LMX1B: variants seen among roughly 807,000 people sequenced by gnomAD.
The protein encoded by LMX1B is LIM homeobox transcription factor 1-beta.
In LMX1B, 12 loss-of-function variants were observed where a neutral mutation model predicts 51.4. The ratio of observed to expected loss-of-function variants is 0.23; its 90% CI spans 0.15 to 0.38. LMX1B has a LOEUF of 0.38. LMX1B is among the 10% of genes least tolerant of loss of function. The probability of loss-of-function intolerance (pLI) is 1.00; values close to 1 mark genes in which losing one functional copy is unlikely to be tolerated. For synonymous variants in LMX1B, 237 were observed against 235.4 expected, an observed-to-expected ratio of 1.01 and a Z score of -0.06; for missense variants, 445 against 571.1, an observed-to-expected ratio of 0.78 and a Z score of 2.25.
rs141112859 is a variant in LMX1B, at chr9:126,659,459, G to A, written c.327-31377G>A. Among the ~76,000 whole-genome samples, 488 of 152,376 alleles carry A rather than the reference G, an allele frequency of 3.2e-3. 5 individuals carry two copies. Among genetic ancestry groups the A allele is most frequent in the African/African-American group, 0.011 (466 of 41,594 alleles). ...TAGGCCCCCATCCCTCCTCATCCCAGCAGGGCGGGCATGGCCCATCCAGCC... is the reference window on the plus strand; with the variant it reads ...TAGGCCCCCATCCCTCCTCATCCCAACAGGGCGGGCATGGCCCATCCAGCC... On this transcript the variant is annotated intron_variant, in intron 2 of 7. Coordinates refer to ENST00000373474, the MANE Select transcript of LMX1B (RefSeq NM_001174147.2).
At chr9:126,617,492 T>TA (rs201744919) in intron 2 of LMX1B, among the ~76,000 whole-genome samples, 7,837 of 145,302 alleles carry the variant, frequency 0.054, 632 homozygotes, top group East Asian at 0.42. Flanking sequence ...AGCTTCTCTT[T>TA]AAAAAAAAAA....
At chr9:126,674,233 A>G (rs1354102326) in intron 2 of LMX1B, among the ~76,000 whole-genome samples, 1 of 152,110 alleles carries the variant, frequency 6.6e-6, no homozygotes, top group Non-Finnish European at 1.5e-5. Flanking sequence ...CTAGGGGCAG[A>G]ATATGTCTCT....
intron 2 of LMX1B, among the ~76,000 whole-genome samples, chr9:126,685,853 G>A (rs1395396905): frequency 2.0e-5 from 3 of 152,190 alleles, no homozygotes. Flanking sequence ...GGACAGATGT[G>A]GACAGAGGCT....
At chr9:126,623,930 G>A (rs527625017) in intron 2 of LMX1B, among the ~76,000 whole-genome samples, 7 of 152,238 alleles carry the variant, frequency 4.6e-5, no homozygotes, top group Non-Finnish European at 8.8e-5. Flanking sequence ...GGCGGTTCGT[G>A]CAGCATGTTC....
chr9:126,656,337 C>A (rs1415636847), intron 2 of LMX1B, among the ~76,000 whole-genome samples: 8 of 151,960 alleles, frequency 5.3e-5, no homozygotes, highest in Admixed American at 5.3e-4. Flanking sequence ...ATCACTTGAG[C>A]TCAGGAGTTC....
At chr9:126,662,591 C>T (rs562097292) in intron 2 of LMX1B, among the ~76,000 whole-genome samples, 3 of 152,280 alleles carry the variant, frequency 2.0e-5, no homozygotes, top group East Asian at 3.9e-4. Flanking sequence ...GCCCTGCCCT[C>T]GGGAGGAAGG....
chr9:126,633,890 C>T (rs192248282), intron 2 of LMX1B, among the ~76,000 whole-genome samples: 1 of 152,272 alleles, frequency 6.6e-6, no homozygotes, highest in Admixed American at 6.5e-5. Flanking sequence ...GATATGGAGA[C>T]TGAGGCACAG....
intron 2 of LMX1B, among the ~76,000 whole-genome samples, chr9:126,675,454 C>T (rs1046919082): frequency 2.0e-5 from 3 of 152,208 alleles, no homozygotes; most frequent in Admixed American, 6.5e-5. Context: ...TGGCCGGGTG[C>T]GGTGGCTCAC....
At position 126,649,404 on chromosome 9, in the gene LMX1B, C is replaced by G. The variant is rs113894660; in HGVS notation, c.326+33835C>G. On this transcript the variant is annotated intron_variant, in intron 2 of 7. Transcript: ENST00000373474. ...CTCCTGCTTTTCCTCCCTGCGTCCT[C>G]CCAGCCCCGTCCCTTGTGTGCTCTA... 1.6e-4 allele frequency among the ~76,000 whole-genome samples: 24 copies of G among 152,312 alleles called. 1 individual carries two copies. The highest frequency in any genetic ancestry group is 2.6e-4 in the African/African-American group (11 of 41,560).
intron 2 of LMX1B, among the ~76,000 whole-genome samples, chr9:126,689,231 G>T (rs1003943405): frequency 6.6e-6 from 1 of 152,212 alleles, no homozygotes; most frequent in Non-Finnish European, 1.5e-5. Flanking sequence ...GCTCTGGCCA[G>T]TGCCCAGGCA....
chr9:126,644,570 C>A (rs1241783770), intron 2 of LMX1B, among the ~76,000 whole-genome samples: 1 of 152,176 alleles, frequency 6.6e-6, no homozygotes, highest in Non-Finnish European at 1.5e-5. Flanking sequence ...CTGCAAAGCC[C>A]CATGGCCCCC....
intron 2 of LMX1B, among the ~76,000 whole-genome samples, chr9:126,682,407 C>T (rs1307118175): frequency 6.6e-6 from 1 of 152,166 alleles, no homozygotes; most frequent in Non-Finnish European, 1.5e-5. Context: ...TTGTAGTCAC[C>T]ATTCGTCATA....
rs1455204084 is a variant in LMX1B at position 126,695,902 on chromosome 9, A to T, written c.950A>T (p.Gln317Leu). 1 of 1,613,350 alleles carries T rather than the reference A, an allele frequency of 6.2e-7. No individual in the cohort carries two copies. The change falls in exon 7 of 8, where the codon CAG (glutamine) becomes CTG (leucine). Residue 317 changes from glutamine (Q) to leucine (L), a missense_variant. By Grantham distance (113) the Gln-to-Leu change is moderately radical (BLOSUM62 -2). Transcript: ENST00000373474. This position sits in a 1 kb window ranked among gnomAD's most constrained non-coding sequence, Gnocchi z 5.2. ...ASYTPLAPPQ[Q>L]QIVAMEQSPY... ...TACACGCCGCTGGCCCCACCACAGC[A>T]GCAGATCGTGGCCATGGAACAGAGC... is the stretch of plus-strand genomic sequence containing the variant.
chr9:126,684,820 G>T (rs750667534), intron 2 of LMX1B, among the ~76,000 whole-genome samples: 4 of 152,162 alleles, frequency 2.6e-5, no homozygotes, highest in Non-Finnish European at 5.9e-5. Context: ...CCTGCAGGAG[G>T]CATGCGTGGA....
intron 2 of LMX1B, among the ~76,000 whole-genome samples, chr9:126,672,239 G>A (rs1436907973): frequency 2.0e-5 from 3 of 152,206 alleles, no homozygotes; most frequent in African/African-American, 4.8e-5. Context: ...GGGATCATGA[G>A]TTACAGTTAT....
In LMX1B at chr9:126,618,536, A is replaced by C. The variant is rs1835345792; in HGVS notation, c.326+2967A>C. On this transcript the variant is annotated intron_variant, in intron 2 of 7. Transcript: ENST00000373474. This position sits in a 1 kb window ranked among gnomAD's most constrained non-coding sequence, Gnocchi z 4.5. ...GTGAGTTTTGGGGGCTCCTTCAAAA[A>C]AAAGAAAAAGCAGCCTTTTCGGACA... Among the ~76,000 whole-genome samples, 1 of 152,172 alleles carries C rather than the reference A, an allele frequency of 6.6e-6. No individual in the cohort carries two copies. The highest frequency in any genetic ancestry group is 1.5e-5 in the Non-Finnish European group (1 of 68,038).
chr9:126,683,066 C>A (rs1330757329), intron 2 of LMX1B, among the ~76,000 whole-genome samples: 1 of 151,428 alleles, frequency 6.6e-6, no homozygotes, highest in Admixed American at 6.6e-5. Context: ...CTCCCGACAG[C>A]GCCCCTGGCG....
rs139350593 is a variant in LMX1B, at chr9:126,648,203, T to C, written c.326+32634T>C. Among the ~76,000 whole-genome samples, 6 of 152,342 alleles carry C rather than the reference T, an allele frequency of 3.9e-5. No homozygotes were observed. In the East Asian group the frequency reaches 1.2e-3, roughly 29 times the overall value. On this transcript the variant is annotated intron_variant, in intron 2 of 7. Transcript: ENST00000373474. ...GACTCCATTTGTAACAATATGGAAA[T>C]TGATCGTTGAGTCAGAGGAAAGTTT...
At chr9:126,680,484 G>A (rs1320828277) in intron 2 of LMX1B, among the ~76,000 whole-genome samples, 3 of 152,122 alleles carry the variant, frequency 2.0e-5, no homozygotes, top group African/African-American at 7.2e-5. Context: ...TTGCTATGTG[G>A]GCAACAGTCA....
Sources: allele counts gnomAD v4.1 joint callset (sites outside exome capture counted in the v4.1 genomes callset), GRCh38; gene constraint gnomAD v4.1.1; non-coding constraint Gnocchi (gnomAD v3.1); transcripts MANE v1.5; gene names NCBI Gene and HGNC (gene_info 2026-07-23, HGNC 2026-07-21).